TIAM1: variants seen among roughly 807,000 people sequenced by gnomAD.
The protein encoded by TIAM1 is rho guanine nucleotide exchange factor TIAM1.
TIAM1 carries 65 observed loss-of-function variants against 163.5 expected under a neutral mutation model. The ratio of observed to expected loss-of-function variants is 0.40; its 90% CI spans 0.33 to 0.49. The LOEUF is 0.49. TIAM1 is among the 20% of genes least tolerant of loss of function. The pLI, the probability that TIAM1 is intolerant of heterozygous loss-of-function variation, is 0.77. For synonymous variants in TIAM1, 833 were observed against 810.1 expected (o/e 1.03, Z -0.48); for missense variants, 1,789 against 2,044.7 (o/e 0.87, Z 2.41).
chr21:31,541,264 T>C (rs73345655), intron 1 of TIAM1, among the ~76,000 whole-genome samples: 3,958 of 151,970 alleles, frequency 0.026, 182 homozygotes, highest in African/African-American at 0.091. Context: ...TGAGGCTAGA[T>C]TGGGCAACAT....
At chr21:31,301,843 AATAAATAG>A (rs1213927511) in intron 2 of TIAM1, among the ~76,000 whole-genome samples, 3 of 129,446 alleles carry the variant, frequency 2.3e-5, no homozygotes, top group Admixed American at 7.8e-5. Context: ...TCCATCTCAA[AATAAATAG>A]ATAAATAGAT....
intron 2 of TIAM1, among the ~76,000 whole-genome samples, chr21:31,285,231 A>C (rs2073754380): frequency 6.6e-6 from 1 of 152,044 alleles, no homozygotes; most frequent in Admixed American, 6.5e-5. Context: ...TCGCACACAG[A>C]GGGGTGTGGC....
At chr21:31,173,036 C>T (rs1320657266) in intron 15 of TIAM1, among the ~76,000 whole-genome samples, 3 of 152,100 alleles carry the variant, frequency 2.0e-5, no homozygotes, top group Non-Finnish European at 2.9e-5. Context: ...GGACAGACAA[C>T]GAGGAGATTT....
At chr21:31,256,105 C>A (rs2072084864) in intron 4 of TIAM1, among the ~76,000 whole-genome samples, 1 of 152,166 alleles carries the variant, frequency 6.6e-6, no homozygotes, top group Non-Finnish European at 1.5e-5. Flanking sequence ...GAGGCAAATT[C>A]AAAGCCTGTT....
chr21:31,266,084 G>C lies in TIAM1; in HGVS notation c.889C>G (p.Leu297Val), dbSNP rs373646277. 1 of 1,614,216 alleles carries C rather than the reference G, an allele frequency of 6.2e-7. No individual in the cohort carries two copies. Among genetic ancestry groups the C allele is most frequent in the Non-Finnish European group, 8.5e-7 (1 of 1,180,052 alleles). ...NTLPCRKSHC[L>V]SEGATNPQIS... ...TGTGGGTTGGTGGCACCTTCAGAGA[G>C]ACAGTGAGATTTCCTACAGGGAAGT... The change falls in exon 4 of 28, where the codon CTC becomes GTC. Residue 297 changes from leucine to valine, a missense_variant. Physicochemically the swap from Leu to Val is conservative, Grantham distance 32. This residue lies in a region of TIAM1 where 555 missense variants were observed against 564.9 expected (regional missense o/e 0.98). Transcript: ENST00000541036.
chr21:31,390,945 A>G (rs1340889751), intron 2 of TIAM1, among the ~76,000 whole-genome samples: 2 of 152,166 alleles, frequency 1.3e-5, no homozygotes, highest in Non-Finnish European at 2.9e-5. Context: ...ACGCACATCA[A>G]AGGGACTTCT....
At chr21:31,332,857 C>A (rs845951) in intron 2 of TIAM1, among the ~76,000 whole-genome samples, 7 of 151,696 alleles carry the variant, frequency 4.6e-5, no homozygotes, top group East Asian at 1.9e-4. Flanking sequence ...AGACATCTGC[C>A]CAAACTAGAT....
chr21:31,443,532 C>T (rs917801474), intron 2 of TIAM1, among the ~76,000 whole-genome samples: 1 of 152,108 alleles, frequency 6.6e-6, no homozygotes, highest in Non-Finnish European at 1.5e-5. Context: ...CCTCTCTTGC[C>T]TTCCTTGCAA....
At position 31,430,600 on chromosome 21, in the gene TIAM1, AG is replaced by A. The variant is rs2043993276; in HGVS notation, c.-369+33382del. On this transcript the variant is annotated intron_variant, in intron 2 of 28. Coordinates refer to the TIAM1 transcript ENST00000286827. The stretch of plus-strand genomic sequence containing the variant: ...TGCAAAATAAAAATAGTTTCAGTCT[AG>A]GCTGAACTGAGTTAGCTTTTGATTC... Among the ~76,000 whole-genome samples, 3 of 152,174 alleles carry A rather than the reference AG, an allele frequency of 2.0e-5. No individual in the cohort carries two copies. The South Asian group carries it at 6.2e-4, about 31-fold the overall frequency.
chr21:31,310,330 T>TC (rs1177813384), intron 2 of TIAM1, among the ~76,000 whole-genome samples: 1 of 151,786 alleles, frequency 6.6e-6, no homozygotes, highest in African/African-American at 2.4e-5. Flanking sequence ...GAAGCTTGGG[T>TC]CCTTGTATGA....
chr21:31,445,909 T>A (rs1356191087), intron 2 of TIAM1, among the ~76,000 whole-genome samples: 1 of 152,128 alleles, frequency 6.6e-6, no homozygotes, highest in Admixed American at 6.6e-5. Flanking sequence ...CTTTTGGTTT[T>A]TTGAGGACTA....
At chr21:31,368,425 A>G (rs1321738490) in intron 2 of TIAM1, among the ~76,000 whole-genome samples, 1 of 152,232 alleles carries the variant, frequency 6.6e-6, no homozygotes, top group African/African-American at 2.4e-5. Context: ...TGGCTGAGCC[A>G]CACGCATAAC....
At position 31,350,431 on chromosome 21, in the gene TIAM1, A is replaced by G. The variant is rs138924329; in HGVS notation, c.-368-11009T>C. ...TGATATAGTTTGGATATCTGTACCC[A>G]CCCAAATCTCATGCTGAATTGTAAT... On this transcript the variant is annotated intron_variant, in intron 2 of 28. Coordinates refer to the TIAM1 transcript ENST00000286827. Among the ~76,000 whole-genome samples, 216 of 152,262 alleles carry G rather than the reference A, an allele frequency of 1.4e-3. 1 individual carries two copies. Among genetic ancestry groups the G allele is most frequent in the African/African-American group, 4.9e-3 (205 of 41,556 alleles).
chr21:31,153,860 A>G (rs545902035), intron 17 of TIAM1, among the ~76,000 whole-genome samples: 1 of 151,954 alleles, frequency 6.6e-6, no homozygotes, highest in South Asian at 2.1e-4. Context: ...CATGAGTTCG[A>G]AACCAGCATG....
chr21:31,394,674 G>T (rs1177640911), intron 2 of TIAM1, among the ~76,000 whole-genome samples: 1 of 145,306 alleles, frequency 6.9e-6, no homozygotes, highest in South Asian at 2.2e-4. Context: ...CTCTAAAAAT[G>T]AAAATCTACT....
At chr21:31,165,131 T>C in intron 15 of TIAM1, 66 bp from the exon 16 acceptor site, 1 of 1,445,032 alleles carries the variant, frequency 6.9e-7, no homozygotes, top group Non-Finnish European at 9.6e-7. Context: ...GCCACCCCTG[T>C]GTGAGGGGGA....
At chr21:31,319,101 T>C (rs2075219901) in intron 2 of TIAM1, among the ~76,000 whole-genome samples, 1 of 152,208 alleles carries the variant, frequency 6.6e-6, no homozygotes, top group Non-Finnish European at 1.5e-5. Context: ...TTCTACTCAT[T>C]TGGCTTCCCA....
intron 2 of TIAM1, among the ~76,000 whole-genome samples, chr21:31,284,182 T>C (rs115461630): frequency 1.2e-3 from 189 of 152,298 alleles, no homozygotes; most frequent in African/African-American, 4.4e-3. Flanking sequence ...GAGAGGACAG[T>C]ATTCATTCTC....
chr21:31,426,216 C>G (rs2043790682), intron 2 of TIAM1, among the ~76,000 whole-genome samples: 1 of 152,148 alleles, frequency 6.6e-6, no homozygotes, highest in Non-Finnish European at 1.5e-5. Context: ...TTGTATCACT[C>G]TTATGTCTTT....
Sources: gnomAD v4.1 joint callset for allele counts (sites outside exome capture counted in the v4.1 genomes callset) on GRCh38, gnomAD v4.1.1 for gene constraint, gnomAD v4.1.1 regional missense constraint, MANE v1.5 for transcripts, NCBI Gene and HGNC (gene_info 2026-07-23, HGNC 2026-07-21) for gene names.